Variants in ULK4 observed in about 807,000 individuals in gnomAD.
ULK4 encodes the protein unc-51 like kinase 4.
In ULK4, 133 loss-of-function variants were observed where a neutral mutation model predicts 160.6. The observed-to-expected ratio is 0.83, with a 90% CI of 0.72 to 0.96. ULK4 has a LOEUF of 0.96. Among genes scored for constraint, ULK4 ranks in the 40% least tolerant of loss-of-function variants. ULK4 has a pLI of 0.00. For synonymous variants in ULK4, 534 were observed against 539.8 expected, an observed-to-expected ratio of 0.99 and a Z score of 0.15; for missense variants, 1,580 against 1,499.5, an observed-to-expected ratio of 1.05 and a Z score of -0.89.
chr3:41,616,434 T>G (rs1183366821), intron 30 of ULK4, among the ~76,000 whole-genome samples: 1 of 152,040 alleles, frequency 6.6e-6, no homozygotes, highest in African/African-American at 2.4e-5. Flanking sequence ...CATTTCCAAC[T>G]GAGGTACCCA....
chr3:41,793,041 C>T (rs563084430), intron 20 of ULK4, among the ~76,000 whole-genome samples: 5 of 152,208 alleles, frequency 3.3e-5, no homozygotes, highest in East Asian at 3.9e-4. Flanking sequence ...CACCTGCTGG[C>T]GGGTGCCTGT....
chr3:41,250,141 G>T (rs775417888), intron 35 of ULK4, among the ~76,000 whole-genome samples: 1 of 152,120 alleles, frequency 6.6e-6, no homozygotes, highest in African/African-American at 2.4e-5. Flanking sequence ...CCTATTTGCA[G>T]AATCATACAC....
intron 35 of ULK4, among the ~76,000 whole-genome samples, chr3:41,329,953 C>G (rs1367730798): frequency 6.6e-6 from 1 of 152,174 alleles, no homozygotes; most frequent in Admixed American, 6.5e-5. Context: ...CTAACTTGTA[C>G]TAACAGGAAG....
intron 34 of ULK4, among the ~76,000 whole-genome samples, chr3:41,427,229 T>G (rs772626786): frequency 5.9e-5 from 9 of 152,146 alleles, no homozygotes; most frequent in African/African-American, 9.7e-5. Context: ...ATTGAATCCC[T>G]GAGTAGACCA....
intron 22 of ULK4, among the ~76,000 whole-genome samples, chr3:41,725,244 T>C (rs2037609511): frequency 6.6e-6 from 1 of 152,224 alleles, no homozygotes; most frequent in Non-Finnish European, 1.5e-5. Context: ...CCTTTACAAA[T>C]TTAAACAGAA....
intron 5 of ULK4, among the ~76,000 whole-genome samples, chr3:41,920,871 G>T (rs1039405047): frequency 6.6e-6 from 1 of 150,916 alleles, no homozygotes; most frequent in African/African-American, 2.5e-5. Flanking sequence ...GCCTGCACCA[G>T]CTGCTGAGGA....
chr3:41,617,315 T>C (rs2033025083), intron 30 of ULK4, among the ~76,000 whole-genome samples: 1 of 152,188 alleles, frequency 6.6e-6, no homozygotes, highest in Non-Finnish European at 1.5e-5. Context: ...ACCCCAAGCC[T>C]CCTGACTGGG....
chr3:41,366,764 C>T (rs370100937), intron 35 of ULK4, among the ~76,000 whole-genome samples: 39 of 152,150 alleles, frequency 2.6e-4, no homozygotes, highest in African/African-American at 9.2e-4. Context: ...TGTCCATATG[C>T]CACAGTTGAG....
rs752651307 is a variant in ULK4 at position 41,938,085 on chromosome 3, T to C, written c.238+13A>G. ...TACTATATTCATAGCACTTTTTACA[T>C]ACTCTTTCTTACCTGTGCAGAGTTC... On this transcript the variant is annotated intron_variant, in intron 3 of 36. Transcript: ENST00000301831. 8 of 1,574,186 alleles carry C rather than the reference T, an allele frequency of 5.1e-6. No homozygotes were observed. In the Admixed American group the frequency reaches 1.5e-4, roughly 29 times the overall value.
Position 41,636,762 on chromosome 3 carries a change from C to T in ULK4, c.3072-21045G>A, listed in dbSNP as rs376927384. On this transcript the variant is annotated intron_variant, in intron 30 of 36. Transcript: ENST00000301831. ...CTAATGCTATCCCTCCCCCGTCCCC[C>T]CACCCCACAACAGTCCCCAGAGTGT... 1.5e-4 allele frequency among the ~76,000 whole-genome samples: 23 copies of T among 151,908 alleles called. No homozygotes were observed. In the East Asian group the frequency reaches 4.5e-3, roughly 29 times the overall value.
At chr3:41,908,018 A>G in intron 11 of ULK4, 77 bp from the exon 12 acceptor site, 1 of 1,057,420 alleles carries the variant, frequency 9.5e-7, no homozygotes, top group Non-Finnish European at 1.3e-6. Flanking sequence ...GGAAGAAAAC[A>G]AGTCTCATGA....
intron 21 of ULK4, among the ~76,000 whole-genome samples, chr3:41,759,906 A>C (rs1205359024): frequency 1.3e-5 from 2 of 152,178 alleles, no homozygotes; most frequent in Non-Finnish European, 2.9e-5. Flanking sequence ...ACATGCAAAA[A>C]TGTTAACTTA....
At chr3:41,862,398 T>C (rs1411777385) in intron 17 of ULK4, among the ~76,000 whole-genome samples, 1 of 152,204 alleles carries the variant, frequency 6.6e-6, no homozygotes. Context: ...TGGTCCCTCG[T>C]GCCTTATTTA....
At chr3:41,278,962 G>T (rs929564845) in intron 35 of ULK4, among the ~76,000 whole-genome samples, 2 of 152,152 alleles carry the variant, frequency 1.3e-5, no homozygotes, top group African/African-American at 4.8e-5. Flanking sequence ...CAAGTTGACA[G>T]AAGTTGGCTT....
At chr3:41,607,147 C>G (rs1223167967) in intron 31 of ULK4, among the ~76,000 whole-genome samples, 1 of 151,978 alleles carries the variant, frequency 6.6e-6, no homozygotes, top group Non-Finnish European at 1.5e-5. Context: ...AGAGAGGGGT[C>G]TCAAGCCACC....
At chr3:41,259,404 C>T (rs1317812979) in intron 35 of ULK4, among the ~76,000 whole-genome samples, 2 of 152,132 alleles carry the variant, frequency 1.3e-5, no homozygotes, top group African/African-American at 4.8e-5. Flanking sequence ...ATCCTATGCC[C>T]CCTGATAATG....
Position 41,506,767 on chromosome 3 carries a change from A to AAAAAAAAAAAAAAAAAAAATATATATAT in ULK4, c.3227-43515_3227-43514insATATATATATTTTTTTTTTTTTTTTTTT. Among the ~76,000 whole-genome samples the AAAAAAAAAAAAAAAAAAAATATATATAT allele has an allele frequency of 1.9e-4, 11 of 56,794 alleles. 1 individual carries two copies. The highest frequency in any genetic ancestry group is 6.5e-4 in the Admixed American group (3 of 4,640). The allele number at this position is 56,794 out of a possible 152,430, so 37.3% of individuals were successfully genotyped here. A position where few individuals can be genotyped will look rare whatever the true frequency, so the allele number is the denominator to read the frequency against. On this transcript the variant is annotated intron_variant, in intron 32 of 36. Coordinates refer to ENST00000301831, the MANE Select transcript of ULK4 (RefSeq NM_017886.4). ...AGCAATACACTGGAGTGTGATTTAA[A>AAAAAAAAAAAAAAAAAAAATATATATAT]ATATATATATATATATATATATATA...
chr3:41,540,892 T>C (rs2086672925), intron 32 of ULK4, among the ~76,000 whole-genome samples: 1 of 152,218 alleles, frequency 6.6e-6, no homozygotes, highest in East Asian at 1.9e-4. Context: ...GTTTTTTTCT[T>C]GTAAATTTGC....
intron 34 of ULK4, among the ~76,000 whole-genome samples, chr3:41,412,395 C>A (rs1269137562): frequency 7.4e-6 from 1 of 135,362 alleles, no homozygotes; most frequent in East Asian, 2.3e-4. Context: ...CAAAATCCCC[C>A]AAGTTTTTTT....
Sources: gnomAD v4.1 joint callset for allele counts (sites outside exome capture counted in the v4.1 genomes callset) on GRCh38, gnomAD v4.1.1 for gene constraint, MANE v1.5 for transcripts, NCBI Gene and HGNC (gene_info 2026-07-23, HGNC 2026-07-21) for gene names.